The following DMTF1 variants were observed in gnomAD, a reference collection of about 807,000 sequenced individuals.
DMTF1 encodes cyclin-D-binding Myb-like transcription factor 1.
In DMTF1, 39 loss-of-function variants were observed where a neutral mutation model predicts 91.1. The observed-to-expected ratio is 0.43, with a 90% CI of 0.33 to 0.56. The LOEUF is 0.56. Ranked by LOEUF, DMTF1 falls within the 20% of genes least tolerant of loss-of-function variation. The probability of loss-of-function intolerance (pLI) is 0.05; values close to 1 mark genes in which losing one functional copy is unlikely to be tolerated. For synonymous variants in DMTF1, 338 were observed against 309.5 expected (o/e 1.09, Z -0.97); for missense variants, 750 against 914.5 (o/e 0.82, Z 2.32).
chr7:87,156,668 T>A (rs1790812673), intron 1 of DMTF1, among the ~76,000 whole-genome samples: 1 of 152,150 alleles, frequency 6.6e-6, no homozygotes, highest in East Asian at 1.9e-4. Context: ...CAGCCCTCTG[T>A]GTACCCATGT....
At chr7:87,160,551 C>A (rs1792052168) in intron 1 of DMTF1, among the ~76,000 whole-genome samples, 1 of 151,722 alleles carries the variant, frequency 6.6e-6, no homozygotes, top group Non-Finnish European at 1.5e-5. Flanking sequence ...CTGGGAGCCA[C>A]CCAAAATGAG....
intron 8 of DMTF1, among the ~76,000 whole-genome samples, 169 bp downstream of exon 8, chr7:87,179,871 T>G (rs1796970629): frequency 6.6e-6 from 1 of 152,214 alleles, no homozygotes. Flanking sequence ...TTAAAGCCTC[T>G]TTTAGAAATT....
intron 17 of DMTF1, 69 bp downstream of exon 17, chr7:87,194,897 C>T: frequency 6.6e-7 from 1 of 1,513,504 alleles, no homozygotes; most frequent in South Asian, 1.2e-5. Flanking sequence ...ATTTAATTAA[C>T]TTGTTTCAGT....
chr7:87,152,970 G>A (rs1789576289), intron 1 of DMTF1: 1 of 154,654 alleles, frequency 6.5e-6, no homozygotes, highest in Non-Finnish European at 1.5e-5. Context: ...TTGTTTTCTC[G>A]TGGTGTTCTA....
chr7:87,177,864 T>A (rs1796563047), intron 7 of DMTF1, among the ~76,000 whole-genome samples: 1 of 152,080 alleles, frequency 6.6e-6, no homozygotes, highest in Non-Finnish European at 1.5e-5. Flanking sequence ...TCTAACTTGT[T>A]TTTAGGTTCT....
chr7:87,179,734 T>C, intron 8 of DMTF1, 32 bp downstream of exon 8: 2 of 1,540,036 alleles, frequency 1.3e-6, no homozygotes, highest in South Asian at 2.6e-5. Context: ...CATGTTTTCA[T>C]GTAATTAGGG....
chr7:87,160,254 A>C (rs187897260), intron 1 of DMTF1, among the ~76,000 whole-genome samples: 1 of 152,002 alleles, frequency 6.6e-6, no homozygotes, highest in Non-Finnish European at 1.5e-5. Context: ...TTCGTGAAAA[A>C]AGTATCAGTA....
At chr7:87,166,397 A>G in intron 3 of DMTF1, 86 bp from the exon 4 acceptor site, 1 of 1,388,890 alleles carries the variant, frequency 7.2e-7, no homozygotes, top group Non-Finnish European at 9.8e-7. Flanking sequence ...TTTTTTTAAT[A>G]GATAAGAAAA....
intron 4 of DMTF1, among the ~76,000 whole-genome samples, chr7:87,170,643 T>C (rs1282997520): frequency 6.6e-6 from 1 of 152,162 alleles, no homozygotes; most frequent in Non-Finnish European, 1.5e-5. Context: ...TCAAATACTA[T>C]CCTCCACCCC....
At chr7:87,179,387 T>A (rs568279120) in intron 7 of DMTF1, among the ~76,000 whole-genome samples, 158 bp from the exon 8 acceptor site, 1 of 152,296 alleles carries the variant, frequency 6.6e-6, no homozygotes, top group African/African-American at 2.4e-5. Flanking sequence ...TCTTGCATCA[T>A]CTTAAAAGTT....
intron 3 of DMTF1, among the ~76,000 whole-genome samples, chr7:87,165,896 C>T (rs1021919969): frequency 6.6e-6 from 1 of 152,148 alleles, no homozygotes; most frequent in Non-Finnish European, 1.5e-5. Flanking sequence ...TTCAAGCCTG[C>T]CTTTGTTAGT....
In DMTF1 at chr7:87,193,759, C is replaced by G; in HGVS notation, c.1685C>G (p.Thr562Arg). Residue 562 changes from threonine to arginine, a missense_variant, in exon 16 of 18, where the codon ACA (threonine) becomes AGA (arginine). Coordinates refer to ENST00000331242, the MANE Select transcript of DMTF1 (RefSeq NM_001142327.2). ...TTGTTGAACACAAGTGATAATGTTA[C>G]AGTGCAGTGTCACACACCAAGAGTC... is the stretch of plus-strand genomic sequence containing the variant. ...EHLLNTSDNV[T>R]VQCHTPRVII... 1.2e-6 allele frequency: 2 copies of G among 1,609,242 alleles called. No homozygotes were observed. Among genetic ancestry groups the G allele is most frequent in the Non-Finnish European group, 1.7e-6 (2 of 1,177,980 alleles).
intron 14 of DMTF1, among the ~76,000 whole-genome samples, chr7:87,191,396 C>T (rs1051182333): frequency 2.6e-5 from 4 of 152,114 alleles, no homozygotes; most frequent in Non-Finnish European, 5.9e-5. Flanking sequence ...CAAAATGTAA[C>T]AGTCCCAGTG....
At chr7:87,166,280 G>A (rs1235503548) in intron 3 of DMTF1, among the ~76,000 whole-genome samples, 4 of 152,206 alleles carry the variant, frequency 2.6e-5, no homozygotes, top group East Asian at 1.9e-4. Flanking sequence ...TTAAGACACC[G>A]CCTTGAGGAG....
At chr7:87,162,054 G>A (rs1006431018) in intron 1 of DMTF1, among the ~76,000 whole-genome samples, 5 of 152,096 alleles carry the variant, frequency 3.3e-5, no homozygotes, top group Non-Finnish European at 7.4e-5. Flanking sequence ...GTCCAGTAAC[G>A]GATAACTGTT....
chr7:87,184,857 G>T (rs1363117038), intron 11 of DMTF1: 1 of 628,560 alleles, frequency 1.6e-6, no homozygotes, highest in East Asian at 3.2e-5. Flanking sequence ...GATTGAAGGC[G>T]TGGAGACTGA....
intron 3 of DMTF1, among the ~76,000 whole-genome samples, chr7:87,165,502 G>A (rs1452201706): frequency 6.6e-6 from 1 of 152,080 alleles, no homozygotes; most frequent in Non-Finnish European, 1.5e-5. Context: ...CATTATTTAT[G>A]TCATTTATTT....
intron 1 of DMTF1, among the ~76,000 whole-genome samples, chr7:87,155,857 C>T (rs182399551): frequency 6.7e-6 from 1 of 149,722 alleles, no homozygotes; most frequent in African/African-American, 2.5e-5. Flanking sequence ...AATTTTCTAT[C>T]ATTTCATATA....
chr7:87,192,439 TAGTTACTGTCTCCACTTTAGCAATAAGG>T (rs1562856993), intron 14 of DMTF1: 1 of 152,044 alleles, frequency 6.6e-6, no homozygotes, highest in East Asian at 1.9e-4. Flanking sequence ...CCATGAGAAG[TAGTTACTGTCTCCACTTTAGCAATAAGG>T]AAACCTATAT....
Sources: allele counts gnomAD v4.1 joint callset (sites outside exome capture counted in the v4.1 genomes callset), GRCh38; gene constraint gnomAD v4.1.1; transcripts MANE v1.5; gene names NCBI Gene and HGNC (gene_info 2026-07-23, HGNC 2026-07-21).